Variants in EVC observed in about 807,000 individuals in gnomAD.
EVC encodes evC complex member EVC.
EVC carries 116 observed loss-of-function variants against 118.9 expected under a neutral mutation model. That is an observed-to-expected ratio of 0.98 (90% CI 0.84 to 1.14). The LOEUF (loss-of-function observed/expected upper bound fraction) is 1.14, where lower values mean the gene tolerates loss of function less well. EVC is among the 50% of genes most tolerant of loss of function. The probability of loss-of-function intolerance (pLI) is 0.00; values close to 1 mark genes in which losing one functional copy is unlikely to be tolerated. For missense variants in EVC, 1,401 were observed against 1,246.4 expected, an observed-to-expected ratio of 1.12 and a Z score of -1.87; for synonymous variants, 619 against 534.7, an observed-to-expected ratio of 1.16 and a Z score of -2.18.
chr4:5,748,695 T>C (rs1398099022), intron 8 of EVC, among the ~76,000 whole-genome samples: 1 of 98,480 alleles, frequency 1.0e-5, no homozygotes, highest in South Asian at 4.2e-4. Flanking sequence ...CACCCATCCA[T>C]CCACCCGTCC....
At chr4:5,713,516 A>G (rs1723391160) in intron 1 of EVC, among the ~76,000 whole-genome samples, 1 of 152,058 alleles carries the variant, frequency 6.6e-6, no homozygotes. Flanking sequence ...TGCCTCTACT[A>G]AAAATACAAA....
In EVC at chr4:5,755,044, G is replaced by A. The variant is rs1730951883; in HGVS notation, c.1464+1111G>A. Among the ~76,000 whole-genome samples, 1 of 152,066 alleles carries A rather than the reference G, an allele frequency of 6.6e-6. No homozygotes were observed. Among genetic ancestry groups the A allele is most frequent in the Non-Finnish European group, 1.5e-5 (1 of 67,992 alleles). On this transcript the variant is annotated intron_variant, in intron 10 of 20. Transcript: ENST00000264956. This position sits in a 1 kb window ranked among gnomAD's most constrained non-coding sequence, Gnocchi z 4.1. ...GGGGTCCCCCGAGAACAGAGGACAG[G>A]CCTCTAGGTCCCTGGTCCAGCTGCC... is the stretch of plus-strand genomic sequence containing the variant.
At chr4:5,748,939 C>G (rs1176818974) in intron 8 of EVC, among the ~76,000 whole-genome samples, 1 of 117,114 alleles carries the variant, frequency 8.5e-6, no homozygotes, top group Admixed American at 9.6e-5. Flanking sequence ...CCAGATGGGT[C>G]TCCATCCCAG....
At chr4:5,794,319 ATATATT>A (rs1560419838) in intron 13 of EVC, among the ~76,000 whole-genome samples, 16 of 133,762 alleles carry the variant, frequency 1.2e-4, no homozygotes, top group Non-Finnish European at 2.4e-4. Context: ...ATATATTTAT[ATATATT>A]TATATATATT....
chr4:5,747,402 G>A (rs1729526288), intron 7 of EVC, among the ~76,000 whole-genome samples: 1 of 152,108 alleles, frequency 6.6e-6, no homozygotes, highest in Non-Finnish European at 1.5e-5. Flanking sequence ...CTTTCACTGG[G>A]TCCATGACCT....
At chr4:5,753,186 C>T in intron 9 of EVC, 134 bp downstream of exon 9, 2 of 875,204 alleles carry the variant, frequency 2.3e-6, no homozygotes, top group Non-Finnish European at 3.6e-6. Flanking sequence ...TGCTTCTGCC[C>T]TAGGGACTGG....
At chr4:5,795,077 A>G (rs1417437407) in intron 13 of EVC, among the ~76,000 whole-genome samples, 4 of 152,174 alleles carry the variant, frequency 2.6e-5, no homozygotes, top group African/African-American at 9.7e-5. Flanking sequence ...ATTATTTTTT[A>G]TGACTGCATA....
intron 11 of EVC, among the ~76,000 whole-genome samples, chr4:5,774,785 G>A (rs1199360200): frequency 6.6e-6 from 1 of 152,132 alleles, no homozygotes; most frequent in South Asian, 2.1e-4. Context: ...GAGTTCCACT[G>A]TGTCCTGACC....
Position 5,746,222 on chromosome 4 carries a change from G to A in EVC, c.939+881G>A, listed in dbSNP as rs1280661120. On this transcript the variant is annotated intron_variant, in intron 7 of 20. Transcript: ENST00000264956. This position sits in a 1 kb window ranked among gnomAD's most constrained non-coding sequence, Gnocchi z 5.8. ...GAGTCACTGAAGCTTTGAAGCAGGG[G>A]GTGGCTGGCTTCAGCTTCTGCTTTA... 1.3e-5 allele frequency among the ~76,000 whole-genome samples: 2 copies of A among 152,232 alleles called. No homozygotes were observed. The highest frequency in any genetic ancestry group is 4.8e-5 in the African/African-American group (2 of 41,460).
chr4:5,821,529 C>G, the EVC span: 1 of 543,024 alleles, frequency 1.8e-6, no homozygotes, highest in African/African-American at 1.9e-5. The surrounding 1 kb of genome is among the most constrained non-coding windows in gnomAD (Gnocchi z 4.4). Flanking sequence ...ATGAAAACAC[C>G]ATGCTCCGAG....
At position 5,807,818 on chromosome 4, in the gene EVC, T is replaced by C. The variant is rs1226939865; in HGVS notation, c.2562-383T>C. The stretch of plus-strand genomic sequence containing the variant: ...ATGCTCCTCCCTGGGGAAAAGATTG[T>C]TTTCTCATGAGAAGATGCCACCTTC... On this transcript the variant is annotated intron_variant, in intron 17 of 20. Transcript: ENST00000264956. 5.3e-5 allele frequency among the ~76,000 whole-genome samples: 8 copies of C among 152,302 alleles called. No individual in the cohort carries two copies. The East Asian group carries it at 1.5e-3, about 29-fold the overall frequency.
chr4:5,818,063 G>A (rs1717969105), downstream of EVC, among the ~76,000 whole-genome samples: 1 of 152,154 alleles, frequency 6.6e-6, no homozygotes, highest in Non-Finnish European at 1.5e-5. Flanking sequence ...ATGTGGGAGG[G>A]ACCTGGTGGG....
intron 1 of EVC, among the ~76,000 whole-genome samples, chr4:5,718,288 T>C (rs1199198128): frequency 6.6e-6 from 1 of 152,204 alleles, no homozygotes; most frequent in East Asian, 1.9e-4. Context: ...TAGTTTTATG[T>C]ATGTTTCTGT....
At chr4:5,780,857 A>G (rs1185917383) in intron 11 of EVC, among the ~76,000 whole-genome samples, 5 of 152,250 alleles carry the variant, frequency 3.3e-5, no homozygotes, top group African/African-American at 1.2e-4. Context: ...AAATCAGCAA[A>G]GGGAAAAGCT....
chr4:5,765,730 G>T lies in EVC; in HGVS notation c.1563+9368G>T, dbSNP rs531669917. ...ATCAGAGACTAGGATTGCAACCCCTGCCTTTTTTTGTTTTCCATTTGCTTG... is the reference window on the plus strand; with the variant it reads ...ATCAGAGACTAGGATTGCAACCCCTTCCTTTTTTTGTTTTCCATTTGCTTG... On this transcript the variant is annotated intron_variant, in intron 11 of 20. Transcript: ENST00000264956. Among the ~76,000 whole-genome samples the T allele has an allele frequency of 1.4e-3, 183 of 134,108 alleles. 4 individuals carry two copies. In the East Asian group the frequency reaches 0.033, roughly 24 times the overall value. 88.0% of individuals were successfully genotyped at this position (134,108 alleles called of 152,430 possible). A position where few individuals can be genotyped will look rare whatever the true frequency, so the allele number is the denominator to read the frequency against.
At chr4:5,771,672 G>C (rs746197076) in intron 11 of EVC, among the ~76,000 whole-genome samples, 1 of 152,186 alleles carries the variant, frequency 6.6e-6, no homozygotes, top group African/African-American at 2.4e-5. Flanking sequence ...AGCAGATCTT[G>C]AGAGAAAATG....
intron 8 of EVC, among the ~76,000 whole-genome samples, chr4:5,752,523 C>T (rs1408188018): frequency 6.6e-6 from 1 of 152,118 alleles, no homozygotes; most frequent in Admixed American, 6.5e-5. Context: ...GTGGCTTTTC[C>T]TCCTTGACCG....
chr4:5,711,684 G>T, intron 1 of EVC, 130 bp downstream of exon 1: 1 of 806,272 alleles, frequency 1.2e-6, no homozygotes. Flanking sequence ...AACCGCTTAG[G>T]CGTCGGGTTC....
intron 11 of EVC, among the ~76,000 whole-genome samples, chr4:5,772,977 C>G (rs1734213536): frequency 6.6e-6 from 1 of 152,142 alleles, no homozygotes; most frequent in African/African-American, 2.4e-5. Context: ...TTCCATCCTC[C>G]TGGTCATCAC....
Sources: gnomAD v4.1 joint callset for allele counts (sites outside exome capture counted in the v4.1 genomes callset) on GRCh38, gnomAD v4.1.1 for gene constraint, Gnocchi (gnomAD v3.1) non-coding constraint, MANE v1.5 for transcripts, NCBI Gene and HGNC (gene_info 2026-07-23, HGNC 2026-07-21) for gene names.